CNTNAP5: variants seen among roughly 807,000 people sequenced by gnomAD.
CNTNAP5 encodes the protein contactin associated protein family member 5.
A neutral mutation model predicts 150.2 loss-of-function variants in CNTNAP5; 72 were observed. The ratio of observed to expected loss-of-function variants is 0.48; its 90% CI spans 0.40 to 0.58. The LOEUF (loss-of-function observed/expected upper bound fraction) is 0.58, where lower values mean the gene tolerates loss of function less well. Among genes scored for constraint, CNTNAP5 ranks in the 20% least tolerant of loss-of-function variants. The probability of loss-of-function intolerance (pLI) is 0.00; values close to 1 mark genes in which losing one functional copy is unlikely to be tolerated. For synonymous variants in CNTNAP5, 672 were observed against 619.8 expected (o/e 1.08, Z -1.25); for missense variants, 1,636 against 1,626.2 (o/e 1.01, Z -0.10).
rs143062292 is a variant in CNTNAP5, at chr2:124,548,564, G to A, written c.1650-14653G>A. On this transcript the variant is annotated intron_variant, in intron 10 of 23. Coordinates refer to ENST00000682447, the MANE Select transcript of CNTNAP5 (RefSeq NM_001367498.1). ...GAATGGAAATCCCAGATCTGCATAGGCAGGCTGAGTAGTATACTGAGCTTA... is the reference window on the plus strand; with the variant it reads ...GAATGGAAATCCCAGATCTGCATAGACAGGCTGAGTAGTATACTGAGCTTA... 3.6e-3 allele frequency among the ~76,000 whole-genome samples: 553 copies of A among 152,222 alleles called. 5 individuals carry two copies. The highest frequency in any genetic ancestry group is 0.013 in the African/African-American group (523 of 41,552).
intron 3 of CNTNAP5, among the ~76,000 whole-genome samples, chr2:124,364,148 G>A (rs1158451652): frequency 6.6e-6 from 1 of 152,120 alleles, no homozygotes; most frequent in Non-Finnish European, 1.5e-5. Flanking sequence ...GAAACTTCCT[G>A]AGACCTCACA....
chr2:124,260,804 T>A (rs1687433872), intron 3 of CNTNAP5, among the ~76,000 whole-genome samples: 1 of 152,116 alleles, frequency 6.6e-6, no homozygotes, highest in South Asian at 2.1e-4. Context: ...GAAAATACCA[T>A]CCAATGCAAA....
At chr2:124,210,226 C>G (rs1053777970) in intron 1 of CNTNAP5, among the ~76,000 whole-genome samples, 4 of 151,992 alleles carry the variant, frequency 2.6e-5, no homozygotes, top group African/African-American at 9.7e-5. Flanking sequence ...GGTTTTTAGT[C>G]TTGTGACACT....
intron 3 of CNTNAP5, among the ~76,000 whole-genome samples, chr2:124,387,968 G>A (rs192949883): frequency 6.6e-6 from 1 of 152,270 alleles, no homozygotes; most frequent in East Asian, 1.9e-4. Flanking sequence ...AAATGGGATG[G>A]AGACAGGAAA....
chr2:124,406,308 T>C (rs754595545), intron 3 of CNTNAP5, among the ~76,000 whole-genome samples: 1 of 152,238 alleles, frequency 6.6e-6, no homozygotes, highest in African/African-American at 2.4e-5. Context: ...GAGTGTTACA[T>C]GAATGTAAAT....
At chr2:124,482,870 G>A (rs1693792558) in intron 7 of CNTNAP5, among the ~76,000 whole-genome samples, 1 of 152,150 alleles carries the variant, frequency 6.6e-6, no homozygotes, top group South Asian at 2.1e-4. Context: ...AGTGACTCTT[G>A]TACTCCTTCA....
chr2:124,361,147 G>T (rs1330243043), intron 3 of CNTNAP5, among the ~76,000 whole-genome samples: 104 of 147,938 alleles, frequency 7.0e-4, no homozygotes, highest in East Asian at 4.8e-3. Context: ...CGAGCCTTGG[G>T]TTTCAGCTCC....
chr2:124,448,140 C>T lies in CNTNAP5; in HGVS notation c.918+1203C>T, dbSNP rs112687531. On this transcript the variant is annotated intron_variant, in intron 6 of 23. Coordinates refer to ENST00000682447, the MANE Select transcript of CNTNAP5 (RefSeq NM_001367498.1). ...AAAACTAGCCGGGCATGGTGGCTCGCGCCTGTAGTTCCTGATACTCAGGAG... is the reference window on the plus strand; with the variant it reads ...AAAACTAGCCGGGCATGGTGGCTCGTGCCTGTAGTTCCTGATACTCAGGAG... Among the ~76,000 whole-genome samples the T allele has an allele frequency of 1.4e-4, 22 of 152,020 alleles. 1 individual carries two copies. The highest frequency in any genetic ancestry group is 2.4e-4 in the African/African-American group (10 of 41,470).
intron 1 of CNTNAP5, among the ~76,000 whole-genome samples, chr2:124,192,618 A>G (rs925586084): frequency 1.3e-5 from 2 of 152,146 alleles, no homozygotes; most frequent in Non-Finnish European, 2.9e-5. Context: ...CAGCTTCTGC[A>G]TCCTCTCAGC....
At chr2:124,903,715 AC>A (rs1214601060) in intron 22 of CNTNAP5, among the ~76,000 whole-genome samples, 3 of 152,148 alleles carry the variant, frequency 2.0e-5, no homozygotes, top group African/African-American at 7.2e-5. Context: ...TGTCAAGTAA[AC>A]AATACAGTAT....
chr2:124,453,061 G>T (rs987055715), intron 6 of CNTNAP5, among the ~76,000 whole-genome samples: 3 of 151,954 alleles, frequency 2.0e-5, no homozygotes, highest in Non-Finnish European at 2.9e-5. Flanking sequence ...AATTCAGAAG[G>T]TTAGTTATTC....
intron 1 of CNTNAP5, among the ~76,000 whole-genome samples, chr2:124,171,527 T>C (rs1257459504): frequency 1.3e-5 from 2 of 152,184 alleles, no homozygotes; most frequent in Non-Finnish European, 2.9e-5. Flanking sequence ...ACCAGAGTCC[T>C]TGGGGTCATC....
chr2:124,866,065 T>A (rs1005510038), intron 20 of CNTNAP5, among the ~76,000 whole-genome samples: 1 of 150,480 alleles, frequency 6.6e-6, no homozygotes, highest in Non-Finnish European at 1.5e-5. Flanking sequence ...AGTTCGAGAC[T>A]AGCCTGGCCA....
chr2:124,246,946 G>A (rs1029221092), intron 3 of CNTNAP5, among the ~76,000 whole-genome samples: 1 of 152,212 alleles, frequency 6.6e-6, no homozygotes, highest in South Asian at 2.1e-4. Flanking sequence ...CTTTTGGCCT[G>A]TGCACTCTGA....
At chr2:124,656,123 C>T (rs17392807) in intron 13 of CNTNAP5, among the ~76,000 whole-genome samples, 41,432 of 146,212 alleles carry the variant, frequency 0.28, 7,194 homozygotes, top group Non-Finnish European at 0.38. Context: ...GGGAAATCTG[C>T]TTCTATCTTC....
intron 1 of CNTNAP5, among the ~76,000 whole-genome samples, chr2:124,171,732 G>T (rs2104665131): frequency 6.6e-6 from 1 of 152,252 alleles, no homozygotes; most frequent in East Asian, 1.9e-4. Flanking sequence ...TTTGTACACA[G>T]AGTAAATACA....
chr2:124,258,155 G>A (rs1488266272), intron 3 of CNTNAP5, among the ~76,000 whole-genome samples: 2 of 152,102 alleles, frequency 1.3e-5, no homozygotes, highest in African/African-American at 4.8e-5. Flanking sequence ...CTGCTGGGTG[G>A]CTACAGTTCT....
intron 1 of CNTNAP5, among the ~76,000 whole-genome samples, chr2:124,187,157 T>G (rs1685352655): frequency 6.6e-6 from 1 of 152,010 alleles, no homozygotes; most frequent in African/African-American, 2.4e-5. Flanking sequence ...AAGAGCAACC[T>G]GGAAGGAAAA....
chr2:124,131,018 C>T (rs752280826), intron 1 of CNTNAP5, among the ~76,000 whole-genome samples: 31 of 151,850 alleles, frequency 2.0e-4, no homozygotes, highest in Non-Finnish European at 3.7e-4. Context: ...ATAGTAATAG[C>T]CATTTGTGGA....
Sources: allele counts gnomAD v4.1 joint callset (sites outside exome capture counted in the v4.1 genomes callset), GRCh38; gene constraint gnomAD v4.1.1; transcripts MANE v1.5; gene names NCBI Gene and HGNC (gene_info 2026-07-23, HGNC 2026-07-21).